NCOA3: variants seen among roughly 807,000 people sequenced by gnomAD.
NCOA3 encodes the protein nuclear receptor coactivator 3, also known as CBP-interacting protein.
In NCOA3, 51 loss-of-function variants were observed where a neutral mutation model predicts 158.8. The ratio of observed to expected loss-of-function variants is 0.32; its 90% CI spans 0.26 to 0.41. NCOA3 has a LOEUF of 0.41. Ranked by LOEUF, NCOA3 falls within the 10% of genes least tolerant of loss-of-function variation. The probability of loss-of-function intolerance (pLI) is 1.00; values close to 1 mark genes in which losing one functional copy is unlikely to be tolerated. For missense variants in NCOA3, 1,510 were observed against 1,746.6 expected, an observed-to-expected ratio of 0.86 and a Z score of 2.41; for synonymous variants, 537 against 592.4, an observed-to-expected ratio of 0.91 and a Z score of 1.36.
In NCOA3 at chr20:47,556,617, G is replaced by C. The variant is rs34276770; in HGVS notation, c.-98-26566G>C. ...AGCTCACTGCAACCTCCGCCTCCTGGGTGCAAGTGATTCTCCTGTCTCAGC... is the reference window on the plus strand; with the variant it reads ...AGCTCACTGCAACCTCCGCCTCCTGCGTGCAAGTGATTCTCCTGTCTCAGC... On this transcript the variant is annotated intron_variant, in intron 1 of 22. Transcript: ENST00000371998. 3.0e-3 allele frequency among the ~76,000 whole-genome samples: 457 copies of C among 152,106 alleles called. 1 individual carries two copies. The highest frequency in any genetic ancestry group is 4.1e-3 in the Non-Finnish European group (280 of 68,008).
intron 1 of NCOA3, among the ~76,000 whole-genome samples, chr20:47,547,746 C>T (rs1049612393): frequency 1.3e-5 from 2 of 151,068 alleles, no homozygotes; most frequent in Non-Finnish European, 2.9e-5. Flanking sequence ...GATGGAGTGT[C>T]GCTCTGTCAC....
chr20:47,652,317 T>TA (rs201908342), intron 20 of NCOA3, 89 bp from the exon 21 acceptor site: 29,851 of 943,768 alleles, frequency 0.032, no homozygotes, highest in South Asian at 0.036. Flanking sequence ...CCACCTCCTT[T>TA]AAAAAAAAAA....
intron 3 of NCOA3, among the ~76,000 whole-genome samples, chr20:47,623,385 A>AGTTC (rs1156274940): frequency 1.3e-5 from 2 of 152,372 alleles, no homozygotes; most frequent in East Asian, 3.9e-4. Flanking sequence ...CACCTAGCTA[A>AGTTC]CAAAGATGGA....
Position 47,568,065 on chromosome 20 carries a change from T to C in NCOA3, c.-98-15118T>C, listed in dbSNP as rs2085227776. Among the ~76,000 whole-genome samples, 3 of 152,190 alleles carry C rather than the reference T, an allele frequency of 2.0e-5. No individual in the cohort carries two copies. The South Asian group carries it at 6.2e-4, about 32-fold the overall frequency. ...GCAAGAAGACATACAGGCCACTATT[T>C]TGTTTGCTTTTGTTTTATAGTCAGT... is the stretch of plus-strand genomic sequence containing the variant. On this transcript the variant is annotated intron_variant, in intron 1 of 22. Transcript: ENST00000371998.
At chr20:47,582,488 G>A (rs541309621) in intron 1 of NCOA3, among the ~76,000 whole-genome samples, 8 of 152,016 alleles carry the variant, frequency 5.3e-5, no homozygotes, top group Non-Finnish European at 1.2e-4. Context: ...GCTGGGATTC[G>A]AGGCATGAGC....
chr20:47,651,116 G>GCAGCAA lies in NCOA3; in HGVS notation c.3810_3815dup (p.Gln1275_Gln1276dup), dbSNP rs748517056. ...AACAGCAGCAGCAGCAGCAGCAGCAGCAGCAACAGCAACAGCAACAGCAAC... is the reference window on the plus strand; with the variant it reads ...AACAGCAGCAGCAGCAGCAGCAGCAGCAGCAACAGCAACAGCAACAGCAACAGCAAC... On this transcript the variant is annotated inframe_insertion, in exon 20 of 23. Transcript: ENST00000371998. 967 of 1,459,438 alleles carry GCAGCAA rather than the reference G, an allele frequency of 6.6e-4. 1 individual carries two copies. Among genetic ancestry groups the GCAGCAA allele is most frequent in the Non-Finnish European group, 8.1e-4 (862 of 1,066,078 alleles). 90.4% of individuals were successfully genotyped at this position (1,459,438 alleles called of 1,614,324 possible).
chr20:47,537,485 G>A (rs766419953), intron 1 of NCOA3, among the ~76,000 whole-genome samples: 2 of 151,836 alleles, frequency 1.3e-5, no homozygotes, highest in Non-Finnish European at 2.9e-5. Flanking sequence ...CATTGCACCT[G>A]TTCTATTTTA....
intron 1 of NCOA3, among the ~76,000 whole-genome samples, chr20:47,538,240 A>G (rs2084666722): frequency 6.6e-6 from 1 of 152,194 alleles, no homozygotes; most frequent in Non-Finnish European, 1.5e-5. Flanking sequence ...AAAATGTCCC[A>G]TTTAGATGAT....
chr20:47,605,066 C>T (rs2146266356), intron 2 of NCOA3, among the ~76,000 whole-genome samples: 1 of 152,292 alleles, frequency 6.6e-6, no homozygotes, highest in Middle Eastern at 3.4e-3. Context: ...CAGTGTTTCA[C>T]CATGTTGGCC....
intron 2 of NCOA3, among the ~76,000 whole-genome samples, chr20:47,585,775 C>T (rs748939686): frequency 6.6e-6 from 1 of 152,134 alleles, no homozygotes; most frequent in South Asian, 2.1e-4. Context: ...AGAAAAAGTA[C>T]AAACTCCCTT....
chr20:47,655,023 C>T lies in NCOA3; in HGVS notation c.*1606C>T, dbSNP rs2086850987. On this transcript the variant is annotated 3_prime_UTR_variant, in exon 23 of 23. Transcript: ENST00000371998. The stretch of plus-strand genomic sequence containing the variant: ...TCTGCTCAGCTGTCCCCTCATTCTA[C>T]TAATGTGATGCTTTCATTATGTCCC... The T allele has an allele frequency of 6.6e-6, 1 of 152,164 alleles. No homozygotes were observed. The highest frequency in any genetic ancestry group is 1.5e-5 in the Non-Finnish European group (1 of 68,040). The allele number at this position is 152,164 out of a possible 1,614,324, so 9.4% of individuals were successfully genotyped here.
intron 1 of NCOA3, among the ~76,000 whole-genome samples, chr20:47,521,435 G>A (rs1236809639): frequency 6.6e-6 from 1 of 152,190 alleles, no homozygotes; most frequent in East Asian, 1.9e-4. Flanking sequence ...CCTGGACAAG[G>A]GAGGAGAAGG....
chr20:47,532,404 TGA>T (rs2084561380), intron 1 of NCOA3, among the ~76,000 whole-genome samples: 1 of 146,480 alleles, frequency 6.8e-6, no homozygotes, highest in African/African-American at 2.7e-5. Flanking sequence ...AAGAGAAATC[TGA>T]GAGGTAACAG....
At chr20:47,577,473 C>CT in intron 1 of NCOA3, among the ~76,000 whole-genome samples, 1 of 152,172 alleles carries the variant, frequency 6.6e-6, no homozygotes, top group African/African-American at 2.4e-5. Context: ...TTTCTCTATT[C>CT]TTTCCTTATA....
Position 47,520,840 on chromosome 20 carries a change from C to G in NCOA3, c.-99+18821C>G, listed in dbSNP as rs574146303. On this transcript the variant is annotated intron_variant, in intron 1 of 22. Coordinates refer to ENST00000371998, the MANE Select transcript of NCOA3 (RefSeq NM_181659.3). ...TGAGGGAGAATTAGGCCCCTCTTAG[C>G]GTTGGTGTGCTGGTATAAATCCCAC... Among the ~76,000 whole-genome samples the G allele has an allele frequency of 4.6e-5, 7 of 152,318 alleles. 1 individual carries two copies. In the South Asian group the frequency reaches 1.5e-3, roughly 32 times the overall value.
intron 1 of NCOA3, among the ~76,000 whole-genome samples, chr20:47,554,246 G>T (rs533299490): frequency 1.2e-4 from 18 of 152,130 alleles, no homozygotes; most frequent in African/African-American, 4.3e-4. Flanking sequence ...TGATGGGGTT[G>T]TTTGTTTTTT....
chr20:47,625,529 T>C (rs1404245546), intron 5 of NCOA3, 48 bp downstream of exon 5: 2 of 1,274,704 alleles, frequency 1.6e-6, no homozygotes, highest in Admixed American at 2.0e-5. Flanking sequence ...TGCCCTTTGG[T>C]TTATTATAAA....
chr20:47,600,825 A>G (rs1047639904), intron 2 of NCOA3, among the ~76,000 whole-genome samples: 1 of 151,896 alleles, frequency 6.6e-6, no homozygotes, highest in African/African-American at 2.4e-5. Context: ...AAAAAAAAAA[A>G]AAAAAAAAGA....
Position 47,537,597 on chromosome 20 carries a change from G to A in NCOA3, c.-99+35578G>A, listed in dbSNP as rs1217345879. Among the ~76,000 whole-genome samples the A allele has an allele frequency of 3.0e-5, 4 of 133,416 alleles. No homozygotes were observed. The Admixed American group carries it at 3.0e-4, about 10-fold the overall frequency. The allele number at this position is 133,416 out of a possible 152,430, so 87.5% of individuals were successfully genotyped here. A position where few individuals can be genotyped will look rare whatever the true frequency, so the allele number is the denominator to read the frequency against. ...TTTACATAGGGTTTTTTTTTTTTTT[G>A]AGATGGAGTCTTGCTCTGTCGCCCA... On this transcript the variant is annotated intron_variant, in intron 1 of 22. Coordinates refer to ENST00000371998, the MANE Select transcript of NCOA3 (RefSeq NM_181659.3).
Sources: allele counts gnomAD v4.1 joint callset (sites outside exome capture counted in the v4.1 genomes callset), GRCh38; gene constraint gnomAD v4.1.1; transcripts MANE v1.5; gene names NCBI Gene and HGNC (gene_info 2026-07-23, HGNC 2026-07-21).